CNTN1: variants seen among roughly 807,000 people sequenced by gnomAD.
The protein encoded by CNTN1 is contactin 1, also known as contactin-1.
CNTN1 carries 38 observed loss-of-function variants against 126.4 expected under a neutral mutation model. The ratio of observed to expected loss-of-function variants is 0.30; its 90% CI spans 0.23 to 0.39. CNTN1 has a LOEUF of 0.39. CNTN1 is among the 10% of genes least tolerant of loss of function. CNTN1 has a pLI of 1.00. For synonymous variants in CNTN1, 413 were observed against 422.6 expected (o/e 0.98, Z 0.28); for missense variants, 1,009 against 1,248.4 (o/e 0.81, Z 2.89).
chr12:40,854,882 G>A (rs1177190186), intron 1 of CNTN1, among the ~76,000 whole-genome samples: 1 of 152,034 alleles, frequency 6.6e-6, no homozygotes, highest in African/African-American at 2.4e-5. Flanking sequence ...ATTTGAGAAC[G>A]AGCCCAGAGG....
intron 1 of CNTN1, among the ~76,000 whole-genome samples, chr12:40,749,830 G>A (rs1938332460): frequency 6.6e-6 from 1 of 152,030 alleles, no homozygotes; most frequent in Admixed American, 6.6e-5. Flanking sequence ...GAAGCGGTGT[G>A]AGGGGGAGAG....
chr12:40,931,905 C>A (rs1161141422), intron 7 of CNTN1, among the ~76,000 whole-genome samples: 1 of 151,890 alleles, frequency 6.6e-6, no homozygotes, highest in East Asian at 1.9e-4. Flanking sequence ...GTTGATTCTG[C>A]CTCTAAAATA....
intron 1 of CNTN1, among the ~76,000 whole-genome samples, chr12:40,746,777 G>A (rs1596538): frequency 0.2 from 31,004 of 151,894 alleles, 3,287 homozygotes; most frequent in Middle Eastern, 0.28. Context: ...TGGAATGCCC[G>A]CGGAAGGTCA....
chr12:41,029,895 G>T (rs1251370444), intron 23 of CNTN1, among the ~76,000 whole-genome samples: 3 of 151,538 alleles, frequency 2.0e-5, no homozygotes, highest in African/African-American at 7.3e-5. Context: ...TATATTTGAG[G>T]CAGTCATTTC....
intron 1 of CNTN1, among the ~76,000 whole-genome samples, chr12:40,749,447 T>C (rs1166486701): frequency 6.6e-6 from 1 of 152,114 alleles, no homozygotes; most frequent in Admixed American, 6.6e-5. Context: ...TTGAGACGTC[T>C]TTCAAATGAA....
At chr12:41,068,982 C>T (rs1246007664) in intron 23 of CNTN1, among the ~76,000 whole-genome samples, 2 of 152,040 alleles carry the variant, frequency 1.3e-5, no homozygotes, top group Non-Finnish European at 2.9e-5. Context: ...TAGAACAAGA[C>T]CCTGTATCTT....
intron 23 of CNTN1, among the ~76,000 whole-genome samples, chr12:41,030,747 T>G (rs1004133977): frequency 5.3e-5 from 8 of 152,342 alleles, no homozygotes; most frequent in Admixed American, 4.6e-4. Context: ...TCAAAAACAC[T>G]TACTAATTTC....
chr12:40,803,703 C>A (rs1234857630), intron 1 of CNTN1, among the ~76,000 whole-genome samples: 1 of 151,670 alleles, frequency 6.6e-6, no homozygotes, highest in Non-Finnish European at 1.5e-5. Context: ...TATATATGAT[C>A]TTTCAAGTTA....
chr12:41,067,594 A>G (rs1026789366), intron 23 of CNTN1, among the ~76,000 whole-genome samples: 43 of 125,136 alleles, frequency 3.4e-4, no homozygotes, highest in Non-Finnish European at 1.4e-4. Flanking sequence ...AGGAAGGGGA[A>G]TATCACACTC....
intron 23 of CNTN1, among the ~76,000 whole-genome samples, chr12:41,041,928 T>C (rs559382071): frequency 9.8e-5 from 15 of 152,300 alleles, no homozygotes; most frequent in African/African-American, 3.6e-4. Flanking sequence ...AGTTCTGCTC[T>C]GATTTTAGTT....
At chr12:40,814,110 G>A (rs1270431150) in intron 1 of CNTN1, among the ~76,000 whole-genome samples, 3 of 152,132 alleles carry the variant, frequency 2.0e-5, no homozygotes, top group Admixed American at 2.0e-4. Flanking sequence ...TTTGTCAGAT[G>A]GGTAGATTGC....
chr12:40,846,900 C>G (rs1748110515), intron 1 of CNTN1, among the ~76,000 whole-genome samples: 1 of 152,052 alleles, frequency 6.6e-6, no homozygotes, highest in Non-Finnish European at 1.5e-5. Context: ...TGGAGTCTCA[C>G]TCTGTCGCCC....
Position 40,998,865 on chromosome 12 carries a change from C to CATG in CNTN1, c.2113+5599_2113+5601dup, listed in dbSNP as rs371052300. On this transcript the variant is annotated intron_variant, in intron 17 of 23. Transcript: ENST00000551295. ...GCAAGTTAAAGTAAAAAGTTACATTCATGATTAACTTTTCATCTGTAAAAA... is the reference window on the plus strand; with the variant it reads ...GCAAGTTAAAGTAAAAAGTTACATTCATGATGATTAACTTTTCATCTGTAAAAA... Among the ~76,000 whole-genome samples the CATG allele has an allele frequency of 2.1e-3, 316 of 152,148 alleles. 1 individual carries two copies. Among genetic ancestry groups the CATG allele is most frequent in the African/African-American group, 7.2e-3 (301 of 41,540 alleles).
intron 1 of CNTN1, among the ~76,000 whole-genome samples, chr12:40,849,043 G>C (rs959335739): frequency 6.6e-6 from 1 of 152,048 alleles, no homozygotes; most frequent in Admixed American, 6.6e-5. Context: ...TATTAGTGTG[G>C]TTGTACCATC....
chr12:41,062,461 A>G (rs963667502), intron 23 of CNTN1, among the ~76,000 whole-genome samples: 3 of 152,178 alleles, frequency 2.0e-5, no homozygotes, highest in African/African-American at 7.2e-5. Context: ...TCTAGTCTAT[A>G]CTTGCATTGT....
intron 23 of CNTN1, among the ~76,000 whole-genome samples, chr12:41,062,682 T>G (rs1160149142): frequency 1.3e-5 from 2 of 152,208 alleles, no homozygotes; most frequent in African/African-American, 4.8e-5. Flanking sequence ...TGACCAAGTG[T>G]TAATTCAAGG....
intron 17 of CNTN1, among the ~76,000 whole-genome samples, chr12:41,000,628 TTTTA>T (rs928460894): frequency 1.3e-5 from 1 of 79,644 alleles, no homozygotes; most frequent in Admixed American, 1.3e-4. Flanking sequence ...AATCATATAG[TTTTA>T]TTTTTTTTAA....
At chr12:40,791,863 G>A (rs1940233344) in intron 1 of CNTN1, among the ~76,000 whole-genome samples, 1 of 152,034 alleles carries the variant, frequency 6.6e-6, no homozygotes, top group South Asian at 2.1e-4. Context: ...TGTTTATATT[G>A]ATGTAAATAA....
At chr12:40,943,484 C>T in intron 12 of CNTN1, 113 bp from the exon 13 acceptor site, 4 of 777,912 alleles carry the variant, frequency 5.1e-6, no homozygotes, top group East Asian at 2.8e-5. Flanking sequence ...TCTGTGGTCG[C>T]ATGATTTATA....
Sources: allele counts gnomAD v4.1 joint callset (sites outside exome capture counted in the v4.1 genomes callset), GRCh38; gene constraint gnomAD v4.1.1; transcripts MANE v1.5; gene names NCBI Gene and HGNC (gene_info 2026-07-23, HGNC 2026-07-21).